NMBR: variants seen among roughly 807,000 people sequenced by gnomAD.
The protein encoded by NMBR is neuromedin B receptor.
NMBR carries 16 observed loss-of-function variants against 20.5 expected under a neutral mutation model. The ratio of observed to expected loss-of-function variants is 0.78; its 90% CI spans 0.53 to 1.19. The LOEUF (loss-of-function observed/expected upper bound fraction) is 1.19. Ranked by LOEUF, NMBR falls within the 50% of genes most tolerant of loss-of-function variation. NMBR has a pLI of 0.00. For synonymous variants in NMBR, 212 were observed against 196.6 expected, an observed-to-expected ratio of 1.08 and a Z score of -0.65; for missense variants, 582 against 499.1, an observed-to-expected ratio of 1.17 and a Z score of -1.58.
At chr6:142,083,628 A>T (rs1268148568) in intron 2 of NMBR, among the ~76,000 whole-genome samples, 1 of 151,952 alleles carries the variant, frequency 6.6e-6, no homozygotes, top group Non-Finnish European at 1.5e-5. Context: ...TTCTCATGGT[A>T]GTGAGTGAGT....
At chr6:142,086,292 G>T (rs1027938491) in intron 2 of NMBR, among the ~76,000 whole-genome samples, 2 of 152,116 alleles carry the variant, frequency 1.3e-5, no homozygotes, top group Admixed American at 1.3e-4. Flanking sequence ...TAACAGCATT[G>T]TGAGGGTTGA....
intron 1 of NMBR, among the ~76,000 whole-genome samples, chr6:142,122,813 A>G (rs952375023): frequency 6.6e-6 from 1 of 151,866 alleles, no homozygotes; most frequent in African/African-American, 2.4e-5. Context: ...TAAATGCACT[A>G]TTGAGACTTA....
intron 1 of NMBR, among the ~76,000 whole-genome samples, chr6:142,107,116 C>T (rs1777677243): frequency 6.6e-6 from 1 of 152,180 alleles, no homozygotes. Context: ...TCTGCCTGAA[C>T]TCAGCATGGA....
intron 1 of NMBR, among the ~76,000 whole-genome samples, chr6:142,141,169 T>C (rs1207780357): frequency 6.6e-6 from 1 of 152,168 alleles, no homozygotes; most frequent in Non-Finnish European, 1.5e-5. Flanking sequence ...AAAGAGATCA[T>C]TTGCTGGCCC....
At chr6:142,079,923 C>A (rs1363147940) in intron 2 of NMBR, among the ~76,000 whole-genome samples, 1 of 152,150 alleles carries the variant, frequency 6.6e-6, no homozygotes, top group Non-Finnish European at 1.5e-5. Flanking sequence ...CTAACTCAAA[C>A]ACACATATTA....
At chr6:142,084,442 A>G (rs1777161220) in intron 2 of NMBR, among the ~76,000 whole-genome samples, 1 of 152,210 alleles carries the variant, frequency 6.6e-6, no homozygotes, top group African/African-American at 2.4e-5. Flanking sequence ...GCTATTTGGT[A>G]TCAGAAGAAA....
chr6:142,140,388 C>T (rs1778345426), intron 1 of NMBR, among the ~76,000 whole-genome samples: 2 of 151,682 alleles, frequency 1.3e-5, no homozygotes. Flanking sequence ...AAATATAAAA[C>T]AACCAGTTTA....
At chr6:142,089,984 T>A (rs182701944) in intron 1 of NMBR, among the ~76,000 whole-genome samples, 26 of 152,344 alleles carry the variant, frequency 1.7e-4, no homozygotes, top group African/African-American at 5.8e-4. Context: ...TTTTGGAACC[T>A]GGCTCGACAA....
At chr6:142,119,518 C>T (rs532117633) in intron 1 of NMBR, among the ~76,000 whole-genome samples, 1 of 151,980 alleles carries the variant, frequency 6.6e-6, no homozygotes, top group South Asian at 2.1e-4. Context: ...GGTTTACAAA[C>T]TCATCTTCAA....
chr6:142,135,741 C>T (rs1045830889), intron 1 of NMBR, among the ~76,000 whole-genome samples: 5 of 151,184 alleles, frequency 3.3e-5, no homozygotes, highest in African/African-American at 4.9e-5. Flanking sequence ...TGAGAACATG[C>T]GGTGTTTGGT....
At chr6:142,117,091 A>G (rs2114594620) in intron 1 of NMBR, among the ~76,000 whole-genome samples, 1 of 152,090 alleles carries the variant, frequency 6.6e-6, no homozygotes, top group South Asian at 2.1e-4. Context: ...TGTGTGTACA[A>G]TAATGCTTGC....
intron 2 of NMBR, 61 bp downstream of exon 2, chr6:142,088,176 C>A: frequency 8.5e-6 from 13 of 1,535,804 alleles, no homozygotes; most frequent in Non-Finnish European, 1.1e-5. Flanking sequence ...CCGGGTGAGT[C>A]TTCTCTACTC....
chr6:142,107,798 A>T (rs561707654), intron 1 of NMBR, among the ~76,000 whole-genome samples: 168 of 152,186 alleles, frequency 1.1e-3, no homozygotes, highest in African/African-American at 4.0e-3. Context: ...AAATATATTT[A>T]AAAAACTAAA....
chr6:142,133,993 C>T (rs225607), intron 1 of NMBR: 301,227 of 701,786 alleles, frequency 0.43, 68,407 homozygotes, highest in Middle Eastern at 0.61. Flanking sequence ...GAGAAGTAAA[C>T]CTCTTCTGTT....
chr6:142,108,864 T>A (rs1218573941), intron 1 of NMBR, among the ~76,000 whole-genome samples: 4 of 152,228 alleles, frequency 2.6e-5, no homozygotes, highest in Non-Finnish European at 4.4e-5. Context: ...AAGTCTCATC[T>A]GAGACAAGGC....
intron 1 of NMBR, among the ~76,000 whole-genome samples, chr6:142,105,333 A>C (rs529836759): frequency 1.9e-4 from 29 of 152,260 alleles, no homozygotes; most frequent in African/African-American, 6.3e-4. Context: ...TTGGGCTCAG[A>C]GGCCTGACAA....
At chr6:142,145,467 G>A (rs1048311344) in intron 1 of NMBR, among the ~76,000 whole-genome samples, 1 of 152,164 alleles carries the variant, frequency 6.6e-6, no homozygotes, top group Admixed American at 6.6e-5. Context: ...TAGATTCTAT[G>A]TGTCTTATTT....
At chr6:142,079,080 G>A (rs1384961331) in intron 2 of NMBR, among the ~76,000 whole-genome samples, 177 bp from the exon 3 acceptor site, 2 of 110,018 alleles carry the variant, frequency 1.8e-5, no homozygotes, top group African/African-American at 4.1e-5. Flanking sequence ...AAGAGAGAAA[G>A]AAAGAAAGAG....
At chr6:142,128,935 A>G (rs1778088755) in intron 1 of NMBR, among the ~76,000 whole-genome samples, 1 of 151,096 alleles carries the variant, frequency 6.6e-6, no homozygotes, top group South Asian at 2.1e-4. Flanking sequence ...ATCAGTATTC[A>G]TTCTTCTTTG....
Sources: allele counts gnomAD v4.1 joint callset (sites outside exome capture counted in the v4.1 genomes callset), GRCh38; gene constraint gnomAD v4.1.1; transcripts MANE v1.5; gene names NCBI Gene and HGNC (gene_info 2026-07-23, HGNC 2026-07-21).